Variants in HOOK3 observed in about 807,000 individuals in gnomAD.
HOOK3 encodes the protein protein Hook homolog 3.
In HOOK3, 24 loss-of-function variants were observed where a neutral mutation model predicts 116.3. The observed-to-expected ratio is 0.21, with a 90% CI of 0.15 to 0.29. The LOEUF (loss-of-function observed/expected upper bound fraction) is 0.29, where lower values mean the gene tolerates loss of function less well. Among genes scored for constraint, HOOK3 ranks in the 10% least tolerant of loss-of-function variants. HOOK3 has a pLI of 1.00. For synonymous variants in HOOK3, 275 were observed against 283.0 expected (o/e 0.97, Z 0.28); for missense variants, 632 against 830.2 (o/e 0.76, Z 2.93).
chr8:42,909,466 TATTA>T (rs1563288616), intron 2 of HOOK3, among the ~76,000 whole-genome samples: 2 of 152,218 alleles, frequency 1.3e-5, no homozygotes. Flanking sequence ...GTTCAGCCTT[TATTA>T]ATTGATTGAT....
At chr8:43,011,631 T>G (rs560187575) in intron 19 of HOOK3, among the ~76,000 whole-genome samples, 1 of 152,126 alleles carries the variant, frequency 6.6e-6, no homozygotes, top group African/African-American at 2.4e-5. Context: ...CCTGTCGCTG[T>G]AGGAGGTCAA....
At chr8:42,941,686 G>C (rs898789428) in intron 4 of HOOK3, among the ~76,000 whole-genome samples, 2 of 151,786 alleles carry the variant, frequency 1.3e-5, no homozygotes, top group Non-Finnish European at 2.9e-5. Context: ...TTATTATTTA[G>C]AATAAAACTC....
intron 1 of HOOK3, among the ~76,000 whole-genome samples, chr8:42,901,332 T>C (rs1199642458): frequency 6.6e-6 from 1 of 152,232 alleles, no homozygotes. Context: ...TCAGTTTTAT[T>C]GTACTGCTAT....
chr8:42,904,918 C>G (rs1807273113), intron 1 of HOOK3, among the ~76,000 whole-genome samples: 2 of 152,076 alleles, frequency 1.3e-5, no homozygotes, highest in South Asian at 4.2e-4. Flanking sequence ...GTTGTAAGTT[C>G]TATGAGAGGA....
At chr8:42,917,038 C>G (rs1807546293) in intron 2 of HOOK3, among the ~76,000 whole-genome samples, 1 of 152,202 alleles carries the variant, frequency 6.6e-6, no homozygotes, top group Non-Finnish European at 1.5e-5. Flanking sequence ...TCTACCCAGC[C>G]AACCACAGAT....
rs141077775 is a variant in HOOK3, at chr8:43,020,568, G to T, written c.*2070G>T. The stretch of plus-strand genomic sequence containing the variant: ...CATCTCTACTAAATTACAAAAATTA[G>T]CTGGGCATGGTGGCATGTGGCTGTA... On this transcript the variant is annotated 3_prime_UTR_variant, in exon 22 of 22. Coordinates refer to ENST00000307602, the MANE Select transcript of HOOK3 (RefSeq NM_032410.4). 3.9e-3 allele frequency: 686 copies of T among 175,216 alleles called. 8 individuals carry two copies. The highest frequency in any genetic ancestry group is 0.015 in the African/African-American group (652 of 42,110). The allele number at this position is 175,216 out of a possible 1,614,324, so 10.9% of individuals were successfully genotyped here. A position where few individuals can be genotyped will look rare whatever the true frequency, so the allele number is the denominator to read the frequency against.
chr8:42,941,240 G>C (rs1053570532), intron 4 of HOOK3, among the ~76,000 whole-genome samples: 10 of 149,836 alleles, frequency 6.7e-5, no homozygotes, highest in East Asian at 4.0e-4. Context: ...AGCCGGCTGG[G>C]CGCAGTGGCT....
In HOOK3 at chr8:43,025,786, AG is replaced by A. The variant is rs1192723402; in HGVS notation, c.*7289del. The A allele has an allele frequency of 4.7e-6, 1 of 213,342 alleles. No homozygotes were observed. 13.2% of individuals were successfully genotyped at this position (213,342 alleles called of 1,614,324 possible). A position where few individuals can be genotyped will look rare whatever the true frequency, so the allele number is the denominator to read the frequency against. Reference sequence around the variant, plus strand: ...CTAGATCTGCTTTATCTAGTTTGCAAGCCATAGGCTCAATTTTATGTCCTTC... The same window carrying A: ...CTAGATCTGCTTTATCTAGTTTGCAACCATAGGCTCAATTTTATGTCCTTC... On this transcript the variant is annotated 3_prime_UTR_variant, in exon 22 of 22. Coordinates refer to ENST00000307602, the MANE Select transcript of HOOK3 (RefSeq NM_032410.4).
chr8:42,904,499 GAC>G (rs1807263087), intron 1 of HOOK3, among the ~76,000 whole-genome samples: 2 of 151,814 alleles, frequency 1.3e-5, no homozygotes, highest in African/African-American at 4.8e-5. Flanking sequence ...TTAGTGAAGA[GAC>G]AGGATTTCAC....
In HOOK3 at chr8:43,030,213, A is replaced by G; in HGVS notation, c.*11715A>G. On this transcript the variant is annotated 3_prime_UTR_variant, in exon 22 of 22. Coordinates refer to ENST00000307602, the MANE Select transcript of HOOK3 (RefSeq NM_032410.4). ...TTTTCTGAGGTGAATGACTTGTTAC[A>G]GAGCCTCAGTAAGAAATTTCAACTA... 5.0e-6 allele frequency: 1 copy of G among 198,630 alleles called. No homozygotes were observed. 12.3% of individuals were successfully genotyped at this position (198,630 alleles called of 1,614,324 possible).
intron 1 of HOOK3, among the ~76,000 whole-genome samples, chr8:42,898,836 C>CATG (rs1807121233): frequency 6.6e-6 from 1 of 152,244 alleles, no homozygotes; most frequent in East Asian, 1.9e-4. Flanking sequence ...CCTAACCGTC[C>CATG]AAACGGTAGC....
intron 1 of HOOK3, among the ~76,000 whole-genome samples, chr8:42,900,785 T>G (rs1349095278): frequency 6.6e-6 from 1 of 152,270 alleles, no homozygotes; most frequent in African/African-American, 2.4e-5. Context: ...TGCATTGATA[T>G]TTAACTTTAT....
chr8:43,013,307 A>G (rs1423930267), intron 20 of HOOK3, 22 bp from the exon 21 acceptor site: 1 of 1,380,432 alleles, frequency 7.2e-7, no homozygotes, highest in Non-Finnish European at 9.7e-7. Flanking sequence ...ACATATTTAC[A>G]TGTGCTTTTT....
chr8:42,905,606 T>G (rs1343120995), intron 1 of HOOK3, among the ~76,000 whole-genome samples: 1 of 152,132 alleles, frequency 6.6e-6, no homozygotes, highest in African/African-American at 2.4e-5. Flanking sequence ...ATTGATCTTG[T>G]GTGAGTAGAA....
chr8:42,945,298 TTATTTTATTC>T (rs1808205206), intron 5 of HOOK3, among the ~76,000 whole-genome samples: 1 of 152,132 alleles, frequency 6.6e-6, no homozygotes, highest in Non-Finnish European at 1.5e-5. Context: ...GTATTTTATT[TTATTTTATTC>T]TATTTTATTT....
rs1384393300 is a variant in HOOK3 at position 42,981,051 on chromosome 8, T to TG, written c.1322-1576_1322-1575insG. Among the ~76,000 whole-genome samples the TG allele has an allele frequency of 1.2e-4, 17 of 145,116 alleles. No individual in the cohort carries two copies. In the Admixed American group the frequency reaches 1.2e-3, roughly 10 times the overall value. On this transcript the variant is annotated intron_variant, in intron 13 of 21. Coordinates refer to ENST00000307602, the MANE Select transcript of HOOK3 (RefSeq NM_032410.4). ...TCTCTGCCTCTAGAATTGTAAATAA[T>TG]AATTTTTTTTTTTTTTTTGAGATGA...
At chr8:42,979,672 C>T (rs1353055612) in intron 13 of HOOK3, among the ~76,000 whole-genome samples, 2 of 152,084 alleles carry the variant, frequency 1.3e-5, no homozygotes, top group African/African-American at 4.8e-5. Flanking sequence ...GCTTCATTTT[C>T]TAGTTTACCC....
intron 4 of HOOK3, among the ~76,000 whole-genome samples, chr8:42,933,239 G>A (rs533975799): frequency 6.6e-6 from 1 of 152,284 alleles, no homozygotes; most frequent in African/African-American, 2.4e-5. Context: ...ATAAAAGTGT[G>A]AGATTGTATA....
intron 4 of HOOK3, among the ~76,000 whole-genome samples, chr8:42,932,322 G>A (rs954099470): frequency 2.0e-5 from 3 of 151,914 alleles, no homozygotes; most frequent in African/African-American, 7.3e-5. Flanking sequence ...GATTGGTTTT[G>A]TTCTGAGCAT....
Sources: gnomAD v4.1 joint callset for allele counts (sites outside exome capture counted in the v4.1 genomes callset) on GRCh38, gnomAD v4.1.1 for gene constraint, MANE v1.5 for transcripts, NCBI Gene and HGNC (gene_info 2026-07-23, HGNC 2026-07-21) for gene names.